Variants in AGBL4 observed in about 807,000 individuals in gnomAD.
AGBL4 encodes cytosolic carboxypeptidase 6.
AGBL4 carries 58 observed loss-of-function variants against 66.4 expected under a neutral mutation model. The observed-to-expected ratio is 0.87, with a 90% CI of 0.71 to 1.09. The LOEUF (loss-of-function observed/expected upper bound fraction) is 1.09. Among genes scored for constraint, AGBL4 ranks in the 50% least tolerant of loss-of-function variants. The pLI is 0.00. For synonymous variants in AGBL4, 234 were observed against 222.9 expected (o/e 1.05, Z -0.44); for missense variants, 579 against 631.0 (o/e 0.92, Z 0.88).
intron 3 of AGBL4, among the ~76,000 whole-genome samples, chr1:49,499,848 G>C (rs1237451541): frequency 1.3e-5 from 2 of 151,828 alleles, no homozygotes; most frequent in Admixed American, 6.6e-5. Context: ...ACATGCATGT[G>C]CAAGTGTCTA....
At chr1:48,893,512 T>C (rs891095293) in intron 5 of AGBL4, among the ~76,000 whole-genome samples, 1 of 151,446 alleles carries the variant, frequency 6.6e-6, no homozygotes, top group Non-Finnish European at 1.5e-5. Context: ...AAACCCCGTC[T>C]CTACTAAAAA....
In AGBL4 at chr1:48,893,891, C is replaced by T. The variant is rs367550688; in HGVS notation, c.595-26661G>A. On this transcript the variant is annotated intron_variant, in intron 5 of 13. Coordinates refer to ENST00000371839, the MANE Select transcript of AGBL4 (RefSeq NM_032785.4). ...AGAAAAAAGTTCCATTGTCTACAAG[C>T]CACCCAGTTTATGGTACTTTGTTAT... Among the ~76,000 whole-genome samples, 12 of 152,154 alleles carry T rather than the reference C, an allele frequency of 7.9e-5. No individual in the cohort carries two copies. In the East Asian group the frequency reaches 1.6e-3, roughly 20 times the overall value.
chr1:48,616,407 G>A (rs544807571), intron 9 of AGBL4, among the ~76,000 whole-genome samples: 18 of 152,210 alleles, frequency 1.2e-4, no homozygotes, highest in South Asian at 8.3e-4. Context: ...GGTTTTCTAA[G>A]GTTATACAAC....
At chr1:48,689,148 G>T (rs1342853015) in intron 6 of AGBL4, among the ~76,000 whole-genome samples, 1 of 146,508 alleles carries the variant, frequency 6.8e-6, no homozygotes, top group Non-Finnish European at 1.5e-5. Flanking sequence ...TTAAACCCAA[G>T]AGATGGAGGT....
At chr1:48,933,148 T>G (rs1291940535) in intron 5 of AGBL4, among the ~76,000 whole-genome samples, 1 of 152,190 alleles carries the variant, frequency 6.6e-6, no homozygotes, top group Non-Finnish European at 1.5e-5. Flanking sequence ...AGTCTCTACC[T>G]TCCATGGTTA....
chr1:48,716,285 T>C (rs6671993), intron 6 of AGBL4, among the ~76,000 whole-genome samples: 140,945 of 152,142 alleles, frequency 0.93, 65,551 homozygotes, highest in East Asian at 1. Flanking sequence ...ATCTCTGACT[T>C]CCCAGTCCAT....
At chr1:49,609,733 T>A (rs1645121016) in intron 3 of AGBL4, among the ~76,000 whole-genome samples, 1 of 152,164 alleles carries the variant, frequency 6.6e-6, no homozygotes, top group Non-Finnish European at 1.5e-5. Context: ...TAGGTAGCTG[T>A]TCGATCCCCA....
intron 3 of AGBL4, among the ~76,000 whole-genome samples, chr1:49,613,313 C>T (rs950738817): frequency 2.0e-5 from 3 of 151,890 alleles, no homozygotes; most frequent in African/African-American, 7.3e-5. Flanking sequence ...ATCATTCATA[C>T]CCCAAACCTC....
chr1:48,616,743 A>C (rs539107867), intron 9 of AGBL4, among the ~76,000 whole-genome samples: 235 of 152,356 alleles, frequency 1.5e-3, no homozygotes, highest in African/African-American at 5.4e-3. Flanking sequence ...CCAAAGCTTC[A>C]GAATCCTTAG....
intron 3 of AGBL4, among the ~76,000 whole-genome samples, chr1:49,350,388 A>C (rs868821874): frequency 6.6e-6 from 1 of 151,644 alleles, no homozygotes; most frequent in Non-Finnish European, 1.5e-5. Flanking sequence ...TATTTTTAGT[A>C]GAGACGGGGT....
chr1:49,960,644 T>C (rs116340537), intron 1 of AGBL4, among the ~76,000 whole-genome samples: 1 of 152,114 alleles, frequency 6.6e-6, no homozygotes, highest in African/African-American at 2.4e-5. Context: ...CTATACATTG[T>C]ATGTATCAAA....
chr1:48,572,844 C>T (rs1464528615), intron 11 of AGBL4, among the ~76,000 whole-genome samples: 1 of 152,164 alleles, frequency 6.6e-6, no homozygotes, highest in Non-Finnish European at 1.5e-5. Context: ...CAGGAGAGGG[C>T]ACTTCAACCT....
chr1:49,525,942 A>T (rs935613789), intron 3 of AGBL4, among the ~76,000 whole-genome samples: 3 of 151,792 alleles, frequency 2.0e-5, no homozygotes, highest in Non-Finnish European at 4.4e-5. Context: ...AATACAAAAA[A>T]TTAGCCGGGC....
intron 3 of AGBL4, among the ~76,000 whole-genome samples, chr1:49,565,482 CT>C (rs1220341490): frequency 6.6e-6 from 1 of 152,154 alleles, no homozygotes; most frequent in Non-Finnish European, 1.5e-5. Flanking sequence ...TTCAGGACCT[CT>C]TTTAGGGCAG....
intron 3 of AGBL4, among the ~76,000 whole-genome samples, chr1:49,565,765 G>T (rs1013726821): frequency 1.3e-5 from 2 of 152,080 alleles, no homozygotes; most frequent in Admixed American, 1.3e-4. Flanking sequence ...TGGTGAATCT[G>T]ACAAGTATGT....
chr1:49,246,146 T>C (rs1220143160), intron 3 of AGBL4, among the ~76,000 whole-genome samples: 1 of 151,938 alleles, frequency 6.6e-6, no homozygotes, highest in African/African-American at 2.4e-5. Flanking sequence ...TGTTTCAGTG[T>C]CCTGATCTGA....
chr1:49,896,608 AACACAC>A (rs58132063), intron 1 of AGBL4, among the ~76,000 whole-genome samples: 9,568 of 133,704 alleles, frequency 0.072, 478 homozygotes, highest in African/African-American at 0.13. Context: ...GACCCATGAA[AACACAC>A]ACACACACAC....
chr1:49,038,352 C>T (rs1664829304), intron 5 of AGBL4, among the ~76,000 whole-genome samples: 1 of 152,080 alleles, frequency 6.6e-6, no homozygotes, highest in African/African-American at 2.4e-5. Context: ...GATCCACCAG[C>T]AGAAGATAGA....
chr1:49,863,301 T>C (rs1646620003), intron 1 of AGBL4, among the ~76,000 whole-genome samples: 1 of 152,114 alleles, frequency 6.6e-6, no homozygotes, highest in Non-Finnish European at 1.5e-5. Flanking sequence ...ATTGGTTAAA[T>C]ACCTTAAGAC....
Sources: allele counts gnomAD v4.1 joint callset (sites outside exome capture counted in the v4.1 genomes callset), GRCh38; gene constraint gnomAD v4.1.1; transcripts MANE v1.5; gene names NCBI Gene and HGNC (gene_info 2026-07-23, HGNC 2026-07-21).